Variants in ZDHHC14 observed in about 807,000 individuals in gnomAD.
ZDHHC14 encodes the protein zDHHC palmitoyltransferase 14.
In ZDHHC14, 16 loss-of-function variants were observed where a neutral mutation model predicts 47.7. The ratio of observed to expected loss-of-function variants is 0.34; its 90% CI spans 0.23 to 0.51. The LOEUF is 0.51. Ranked by LOEUF, ZDHHC14 falls within the 20% of genes least tolerant of loss-of-function variation. The pLI is 0.97. For missense variants in ZDHHC14, 515 were observed against 662.5 expected (o/e 0.78, Z 2.44); for synonymous variants, 293 against 278.9 (o/e 1.05, Z -0.50).
intron 3 of ZDHHC14, among the ~76,000 whole-genome samples, chr6:157,611,588 G>C (rs1268790198): frequency 1.3e-5 from 2 of 152,206 alleles, no homozygotes; most frequent in African/African-American, 2.4e-5. Context: ...AGTGCAAAGA[G>C]ACCTTCTTCC....
At chr6:157,511,998 G>A (rs1053438670) in intron 1 of ZDHHC14, among the ~76,000 whole-genome samples, 3 of 152,168 alleles carry the variant, frequency 2.0e-5, no homozygotes, top group African/African-American at 7.2e-5. Flanking sequence ...CAACATGCTC[G>A]AAATGCGAAG....
At chr6:157,413,811 C>T (rs1338918807) in intron 1 of ZDHHC14, among the ~76,000 whole-genome samples, 1 of 152,140 alleles carries the variant, frequency 6.6e-6, no homozygotes, top group Non-Finnish European at 1.5e-5. Context: ...TGTGGCTTCT[C>T]ATGGACATCT....
chr6:157,643,677 G>A (rs1219269530), intron 5 of ZDHHC14, among the ~76,000 whole-genome samples: 1 of 52,916 alleles, frequency 1.9e-5, no homozygotes, highest in Admixed American at 2.1e-4. Context: ...ATATATATAT[G>A]CTGTATTTTT....
chr6:157,398,367 G>C (rs1423562957), intron 1 of ZDHHC14, among the ~76,000 whole-genome samples: 1 of 152,224 alleles, frequency 6.6e-6, no homozygotes, highest in Non-Finnish European at 1.5e-5. Context: ...GGGGCAGCCT[G>C]CCAGCAGGGG....
At chr6:157,567,286 A>G (rs896869904) in intron 2 of ZDHHC14, among the ~76,000 whole-genome samples, 23 of 152,168 alleles carry the variant, frequency 1.5e-4, no homozygotes, top group African/African-American at 5.3e-4. Flanking sequence ...TGGATCTTGT[A>G]ATGCAATGAT....
chr6:157,415,339 A>G (rs751720303), intron 1 of ZDHHC14, among the ~76,000 whole-genome samples: 1 of 152,204 alleles, frequency 6.6e-6, no homozygotes, highest in Non-Finnish European at 1.5e-5. Flanking sequence ...GGTATTTAAA[A>G]AAAAATCACC....
chr6:157,661,782 C>T (rs150377112), intron 8 of ZDHHC14, among the ~76,000 whole-genome samples: 1 of 152,348 alleles, frequency 6.6e-6, no homozygotes, highest in Admixed American at 6.5e-5. Flanking sequence ...TCTATTTCCT[C>T]TTGCCATTAC....
At chr6:157,612,770 G>A (rs1268962854) in intron 3 of ZDHHC14, among the ~76,000 whole-genome samples, 1 of 151,604 alleles carries the variant, frequency 6.6e-6, no homozygotes, top group Non-Finnish European at 1.5e-5. Context: ...AGGGAGGGAA[G>A]AAGAAAAAGA....
intron 2 of ZDHHC14, among the ~76,000 whole-genome samples, chr6:157,547,523 G>A (rs1330515989): frequency 6.6e-6 from 1 of 150,824 alleles, no homozygotes; most frequent in Non-Finnish European, 1.5e-5. Context: ...GGCTTTTCCC[G>A]CATCAAAGAT....
chr6:157,636,710 A>G (rs749542661), intron 5 of ZDHHC14, among the ~76,000 whole-genome samples: 1 of 152,206 alleles, frequency 6.6e-6, no homozygotes, highest in Non-Finnish European at 1.5e-5. Context: ...GAGCCAGCAA[A>G]GCTGTTCCTA....
chr6:157,549,464 C>T (rs143496933), intron 2 of ZDHHC14, among the ~76,000 whole-genome samples: 36 of 152,208 alleles, frequency 2.4e-4, no homozygotes, highest in African/African-American at 8.2e-4. Flanking sequence ...CCCATCGTGC[C>T]GGACATACCT....
intron 8 of ZDHHC14, among the ~76,000 whole-genome samples, chr6:157,668,284 T>A (rs1468658717): frequency 6.6e-6 from 1 of 152,172 alleles, no homozygotes; most frequent in Admixed American, 6.5e-5. Flanking sequence ...TTTAAGATGT[T>A]TAAACAAATC....
intron 8 of ZDHHC14, among the ~76,000 whole-genome samples, chr6:157,656,656 C>G (rs633076): frequency 0.31 from 45,188 of 146,572 alleles, 7,542 homozygotes; most frequent in Non-Finnish European, 0.39. Context: ...CTTATTAAGG[C>G]ATCTGTTAAT....
chr6:157,647,308 A>G lies in ZDHHC14; in HGVS notation c.905A>G (p.Tyr302Cys), dbSNP rs1350481574. Residue 302 changes from tyrosine to cysteine, a missense_variant, in exon 7 of 9, where the codon TAC (tyrosine) becomes TGC (cysteine). Coordinates refer to ENST00000359775, the MANE Select transcript of ZDHHC14 (RefSeq NM_024630.3). ...NKRGKENYNPYSYGNIFTNCC... is the reference protein window; with the variant it reads ...NKRGKENYNPCSYGNIFTNCC... ...AGAGGTAAAGAAAATTACAATCCCTACAGCTACGGAAATATCTTTACCAAC... is the reference window on the plus strand; with the variant it reads ...AGAGGTAAAGAAAATTACAATCCCTGCAGCTACGGAAATATCTTTACCAAC... 1.9e-6 allele frequency: 3 copies of G among 1,614,084 alleles called. No individual in the cohort carries two copies. The highest frequency in any genetic ancestry group is 2.5e-6 in the Non-Finnish European group (3 of 1,180,032).
At chr6:157,617,714 C>CA (rs1235209029) in intron 3 of ZDHHC14, among the ~76,000 whole-genome samples, 2 of 152,030 alleles carry the variant, frequency 1.3e-5, no homozygotes, top group Non-Finnish European at 2.9e-5. Context: ...ACTGAGGGTT[C>CA]AAAAGATCTT....
At chr6:157,546,405 G>A (rs974543771) in intron 2 of ZDHHC14, among the ~76,000 whole-genome samples, 7 of 152,156 alleles carry the variant, frequency 4.6e-5, no homozygotes, top group African/African-American at 1.7e-4. Context: ...CTTGGAATCA[G>A]CCATCTGAGT....
chr6:157,554,823 A>G (rs1782389919), intron 2 of ZDHHC14, among the ~76,000 whole-genome samples: 1 of 152,228 alleles, frequency 6.6e-6, no homozygotes, highest in Non-Finnish European at 1.5e-5. Context: ...TCTATCAAGA[A>G]TCACACAGGA....
intron 4 of ZDHHC14, chr6:157,632,203 C>T (rs9347441): frequency 0.4 from 62,110 of 153,676 alleles, 13,424 homozygotes; most frequent in East Asian, 0.85. Context: ...GACCTGGCAC[C>T]GCTACCCTAA....
At chr6:157,499,363 G>A (rs187386215) in intron 1 of ZDHHC14, among the ~76,000 whole-genome samples, 5 of 152,090 alleles carry the variant, frequency 3.3e-5, no homozygotes, top group Non-Finnish European at 2.9e-5. Context: ...CCTTCTCCTT[G>A]TGTCCTCGTG....
Sources: gnomAD v4.1 joint callset for allele counts (sites outside exome capture counted in the v4.1 genomes callset) on GRCh38, gnomAD v4.1.1 for gene constraint, MANE v1.5 for transcripts, NCBI Gene and HGNC (gene_info 2026-07-23, HGNC 2026-07-21) for gene names.